SLC25A48: variants seen among roughly 807,000 people sequenced by gnomAD.
SLC25A48 encodes the protein CTC-321K16.1.
Under a neutral mutation model 32.2 loss-of-function variants are expected in SLC25A48, and 29 were observed. The observed-to-expected ratio is 0.90, with a 90% CI of 0.67 to 1.23. The LOEUF (loss-of-function observed/expected upper bound fraction) is 1.23, where lower values mean the gene tolerates loss of function less well. SLC25A48 is among the 50% of genes most tolerant of loss of function. SLC25A48 has a pLI of 0.00. For synonymous variants in SLC25A48, 164 were observed against 172.3 expected (o/e 0.95, Z 0.38); for missense variants, 399 against 422.7 (o/e 0.94, Z 0.49).
intron 4 of SLC25A48, among the ~76,000 whole-genome samples, chr5:135,862,035 C>G (rs778709954): frequency 5.3e-5 from 8 of 152,194 alleles, no homozygotes; most frequent in Non-Finnish European, 7.3e-5. Context: ...GTGAAAAAAC[C>G]CTTCCTTTTA....
chr5:135,700,537 C>CTCTGGGAGAGGCCCCCACGGGCAGATG (rs1754370613), intron 3 of SLC25A48, among the ~76,000 whole-genome samples: 1 of 152,218 alleles, frequency 6.6e-6, no homozygotes, highest in Non-Finnish European at 1.5e-5. Flanking sequence ...TAGAGCCCAT[C>CTCTGGGAGAGGCCCCCACGGGCAGATG]TCTGGGAGAG....
At position 135,818,056 on chromosome 5, in the gene SLC25A48, T is replaced by TCTCTCC. The variant is rs1757774942; in HGVS notation, c.-117+5135_-117+5136insCCTCTC. ...TTCCCAGGTTTGTTCTCTCTGTTCC[T>TCTCTCC]CTCTCTCTCTCTCTCTCTCTCTCTC... On this transcript the variant is annotated intron_variant, in intron 4 of 10. Coordinates refer to the SLC25A48 transcript ENST00000646290. Among the ~76,000 whole-genome samples the TCTCTCC allele has an allele frequency of 1.3e-3, 6 of 4,472 alleles. No homozygotes were observed. In the South Asian group the frequency reaches 0.077, roughly 57 times the overall value. 2.9% of individuals were successfully genotyped at this position (4,472 alleles called of 152,430 possible).
intron 5 of SLC25A48, 116 bp downstream of exon 5, chr5:135,871,834 A>C (rs770999687): frequency 1.3e-6 from 2 of 1,539,828 alleles, no homozygotes; most frequent in Non-Finnish European, 1.8e-6. Flanking sequence ...TTAGGTACTC[A>C]CCCAACAATT....
chr5:135,685,052 C>A (rs115210424), intron 3 of SLC25A48, among the ~76,000 whole-genome samples: 1,623 of 152,232 alleles, frequency 0.011, 14 homozygotes, highest in Non-Finnish European at 0.016. Flanking sequence ...GTTTTCCTGA[C>A]CTTTGCCTGC....
intron 3 of SLC25A48, among the ~76,000 whole-genome samples, chr5:135,732,338 AT>A (rs1159641483): frequency 2.0e-5 from 3 of 152,158 alleles, no homozygotes; most frequent in African/African-American, 7.2e-5. Flanking sequence ...CCGAGGAATT[AT>A]GTCTGACAAA....
intron 3 of SLC25A48, among the ~76,000 whole-genome samples, chr5:135,772,736 G>A (rs917501152): frequency 1.3e-5 from 2 of 151,462 alleles, no homozygotes; most frequent in East Asian, 1.9e-4. Flanking sequence ...TCTCAATATC[G>A]CAGATGGTGT....
At chr5:135,692,127 C>A (rs2126958917) in intron 3 of SLC25A48, among the ~76,000 whole-genome samples, 1 of 152,198 alleles carries the variant, frequency 6.6e-6, no homozygotes, top group African/African-American at 2.4e-5. Flanking sequence ...ACCATTCTGG[C>A]TAACACGGTG....
At chr5:135,771,574 T>A (rs1488415143) in intron 3 of SLC25A48, among the ~76,000 whole-genome samples, 2 of 151,648 alleles carry the variant, frequency 1.3e-5, no homozygotes, top group East Asian at 3.9e-4. Context: ...GTGATATGGT[T>A]CCTAATATCT....
chr5:135,665,130 G>A (rs557429282), intron 3 of SLC25A48, among the ~76,000 whole-genome samples: 142 of 152,294 alleles, frequency 9.3e-4, no homozygotes, highest in African/African-American at 3.3e-3. Context: ...GTAAAAGTAA[G>A]GTGGTATGTC....
At chr5:135,766,459 A>T (rs956962555) in intron 3 of SLC25A48, among the ~76,000 whole-genome samples, 2 of 151,508 alleles carry the variant, frequency 1.3e-5, no homozygotes, top group African/African-American at 4.9e-5. Flanking sequence ...TACTCCTCAT[A>T]TCACAAGTGG....
intron 3 of SLC25A48, among the ~76,000 whole-genome samples, chr5:135,724,782 G>A (rs367546870): frequency 6.6e-6 from 1 of 152,264 alleles, no homozygotes; most frequent in African/African-American, 2.4e-5. Flanking sequence ...AGAGGCTTTA[G>A]AGTTGGCCAA....
At chr5:135,620,838 T>C (rs772018896) in intron 1 of SLC25A48, among the ~76,000 whole-genome samples, 1 of 152,016 alleles carries the variant, frequency 6.6e-6, no homozygotes, top group Non-Finnish European at 1.5e-5. Flanking sequence ...GCTGCGAGAG[T>C]TGAGGGGCTC....
At chr5:135,782,025 T>G (rs1756726762) in intron 3 of SLC25A48, among the ~76,000 whole-genome samples, 1 of 114,800 alleles carries the variant, frequency 8.7e-6, no homozygotes, top group Non-Finnish European at 2.2e-5. Flanking sequence ...GATGCTTTTA[T>G]TCCCAATATC....
At chr5:135,850,534 G>T in intron 3 of SLC25A48, 38 bp downstream of exon 3, 1 of 1,606,128 alleles carries the variant, frequency 6.2e-7, no homozygotes, top group African/African-American at 1.3e-5. Flanking sequence ...ATGCCTGCCT[G>T]GGCCCCCACA....
intron 3 of SLC25A48, among the ~76,000 whole-genome samples, chr5:135,713,184 G>A (rs1032113784): frequency 3.2e-4 from 49 of 152,170 alleles, no homozygotes; most frequent in African/African-American, 1.1e-3. Flanking sequence ...CTTCTGAATT[G>A]CAACCTGCAT....
chr5:135,888,026 T>A lies in SLC25A48; in HGVS notation c.*8-6T>A. ...TCTCTGAGTCTGGGTTGTTTGCTGTTTCCAGGAGGTGAACACAGGATGACT... is the reference window on the plus strand; with the variant it reads ...TCTCTGAGTCTGGGTTGTTTGCTGTATCCAGGAGGTGAACACAGGATGACT... On this transcript the variant is annotated splice_polypyrimidine_tract_variant and splice_region_variant and intron_variant, in intron 7 of 7. Transcript: ENST00000681962. 6.4e-7 allele frequency: 1 copy of A among 1,551,426 alleles called. No individual in the cohort carries two copies. The highest frequency in any genetic ancestry group is 8.7e-7 in the Non-Finnish European group (1 of 1,146,614).
At chr5:135,796,201 A>G (rs751179607) in intron 3 of SLC25A48, among the ~76,000 whole-genome samples, 1 of 151,588 alleles carries the variant, frequency 6.6e-6, no homozygotes, top group Non-Finnish European at 1.5e-5. Flanking sequence ...ATGGTTCGCA[A>G]TATCCATGGA....
chr5:135,742,367 C>T (rs1181052168), intron 3 of SLC25A48: 1 of 1,037,706 alleles, frequency 9.6e-7, no homozygotes. Flanking sequence ...AAGCATGAAT[C>T]ACCACACCTG....
rs181579884 is a variant in SLC25A48, at chr5:135,767,611, C to T, written c.-520-44912C>T. On this transcript the variant is annotated intron_variant, in intron 3 of 10. Transcript: ENST00000646290. Reference sequence around the variant, plus strand: ...AAGAGGATGTGATTACTCCCAATATCGCAGGGGGTGTACACCCGCCAGTAA... The same window carrying T: ...AAGAGGATGTGATTACTCCCAATATTGCAGGGGGTGTACACCCGCCAGTAA... Among the ~76,000 whole-genome samples, 874 of 151,794 alleles carry T rather than the reference C, an allele frequency of 5.8e-3. 6 individuals are homozygous for T. Among genetic ancestry groups the T allele is most frequent in the Middle Eastern group, 0.01 (3 of 292 alleles).
Sources: allele counts gnomAD v4.1 joint callset (sites outside exome capture counted in the v4.1 genomes callset), GRCh38; gene constraint gnomAD v4.1.1; transcripts MANE v1.5; gene names NCBI Gene and HGNC (gene_info 2026-07-23, HGNC 2026-07-21).